DARS1: variants seen among roughly 807,000 people sequenced by gnomAD.
The protein encoded by DARS1 is aspartyl-tRNA synthetase 1.
In DARS1, 51 loss-of-function variants were observed where a neutral mutation model predicts 68.8. That is an observed-to-expected ratio of 0.74 (90% CI 0.59 to 0.94). The LOEUF (loss-of-function observed/expected upper bound fraction) is 0.94, where lower values mean the gene tolerates loss of function less well. Among genes scored for constraint, DARS1 ranks in the 40% least tolerant of loss-of-function variants. The pLI is 0.00. For synonymous variants in DARS1, 203 were observed against 190.4 expected, an observed-to-expected ratio of 1.07 and a Z score of -0.55; for missense variants, 607 against 597.3, an observed-to-expected ratio of 1.02 and a Z score of -0.17.
At chr2:135,952,835 G>C (rs1224738419) in intron 4 of DARS1, among the ~76,000 whole-genome samples, 1 of 152,168 alleles carries the variant, frequency 6.6e-6, no homozygotes, top group Admixed American at 6.5e-5. Context: ...ATAAATATTG[G>C]AGTGCAAATA....
chr2:135,932,221 G>A (rs1421980020), intron 7 of DARS1, among the ~76,000 whole-genome samples: 1 of 152,102 alleles, frequency 6.6e-6, no homozygotes, highest in Non-Finnish European at 1.5e-5. Context: ...AAAATATTAA[G>A]AAAGATGCAA....
intron 3 of DARS1, among the ~76,000 whole-genome samples, chr2:135,967,671 G>A (rs962304889): frequency 2.6e-5 from 4 of 151,720 alleles, no homozygotes; most frequent in African/African-American, 7.3e-5. Flanking sequence ...TTTTTTATAC[G>A]AAGAGACTCT....
chr2:135,928,433 C>T (rs1681269638), intron 7 of DARS1, among the ~76,000 whole-genome samples: 2 of 151,898 alleles, frequency 1.3e-5, no homozygotes, highest in East Asian at 1.9e-4. Context: ...GACTCTGTTG[C>T]CCAGGCTGGA....
At chr2:135,962,325 T>A (rs1419136654) in intron 3 of DARS1, among the ~76,000 whole-genome samples, 1 of 152,220 alleles carries the variant, frequency 6.6e-6, no homozygotes, top group Non-Finnish European at 1.5e-5. Flanking sequence ...AGCAGATCCT[T>A]CTTAAGTCTC....
At chr2:135,934,612 C>A (rs1266151031) in intron 5 of DARS1, among the ~76,000 whole-genome samples, 1 of 150,992 alleles carries the variant, frequency 6.6e-6, no homozygotes, top group Non-Finnish European at 1.5e-5. Flanking sequence ...ACAGTGAGAC[C>A]CTGTCTCAAA....
chr2:135,971,823 A>T (rs78898735), intron 3 of DARS1, among the ~76,000 whole-genome samples: 5 of 151,904 alleles, frequency 3.3e-5, no homozygotes, highest in Non-Finnish European at 5.9e-5. Context: ...AAAAAGAAAT[A>T]AAAAAAAGTA....
At chr2:135,960,268 C>T (rs996449289) in intron 4 of DARS1, among the ~76,000 whole-genome samples, 1 of 152,044 alleles carries the variant, frequency 6.6e-6, no homozygotes, top group Non-Finnish European at 1.5e-5. Context: ...ATCAATGAAT[C>T]GATACAATTC....
At chr2:135,926,981 T>C (rs551126035) in intron 7 of DARS1, among the ~76,000 whole-genome samples, 1 of 152,372 alleles carries the variant, frequency 6.6e-6, no homozygotes, top group Non-Finnish European at 1.5e-5. Context: ...TATCATTACA[T>C]GAGAGAACAA....
intron 4 of DARS1, among the ~76,000 whole-genome samples, chr2:135,947,409 G>GAA (rs201907095): frequency 5.9e-5 from 4 of 67,672 alleles, no homozygotes; most frequent in African/African-American, 1.7e-4. Context: ...CTCCATCTCA[G>GAA]AAAAAAAAAA....
At chr2:135,984,425 G>A (rs556118401) in intron 1 of DARS1, among the ~76,000 whole-genome samples, 1 of 152,312 alleles carries the variant, frequency 6.6e-6, no homozygotes, top group Admixed American at 6.5e-5. Flanking sequence ...AGAGCAGGAG[G>A]GTGCTGGATT....
intron 6 of DARS1, 138 bp downstream of exon 6, chr2:135,933,772 T>C: frequency 1.6e-6 from 2 of 1,276,976 alleles, no homozygotes; most frequent in Non-Finnish European, 2.0e-6. Flanking sequence ...GGTTTGAGAA[T>C]TGCTGATTTT....
At chr2:135,935,790 A>C (rs772691793) in intron 5 of DARS1, among the ~76,000 whole-genome samples, 7 of 152,222 alleles carry the variant, frequency 4.6e-5, no homozygotes, top group Non-Finnish European at 8.8e-5. Flanking sequence ...AACCTGCTAA[A>C]GCACAAACGG....
chr2:135,961,440 C>T lies in DARS1; in HGVS notation c.276G>A (p.Ala92=), dbSNP rs746768443. The T allele has an allele frequency of 1.5e-5, 23 of 1,555,884 alleles. No individual in the cohort carries two copies. Among genetic ancestry groups the T allele is most frequent in the East Asian group, 1.3e-4 (6 of 44,626 alleles). Residue 92 remains alanine, a synonymous_variant, in exon 4 of 16, where the codon GCG becomes GCA. Transcript: ENST00000264161. ...QQQFNVQALV[A]VGDHASKQMV... is the part of the protein sequence containing the mutation. ...TCTGCTTGCTTGCATGGTCTCCCACCGCCACAAGAGCCTGGACATTAAACT... is the reference window on the plus strand; with the variant it reads ...TCTGCTTGCTTGCATGGTCTCCCACTGCCACAAGAGCCTGGACATTAAACT...
At chr2:135,938,135 T>C (rs113974791) in intron 5 of DARS1, among the ~76,000 whole-genome samples, 2 of 152,142 alleles carry the variant, frequency 1.3e-5, no homozygotes, top group East Asian at 1.9e-4. Flanking sequence ...CAATCAGACG[T>C]AGATTTGGTC....
At chr2:135,939,173 C>G (rs1681539820) in intron 5 of DARS1, among the ~76,000 whole-genome samples, 3 of 152,196 alleles carry the variant, frequency 2.0e-5, no homozygotes, top group Admixed American at 6.5e-5. Flanking sequence ...TAGACATCTG[C>G]AGAACTCTCC....
At chr2:135,963,306 A>C (rs1308584182) in intron 3 of DARS1, among the ~76,000 whole-genome samples, 1 of 152,184 alleles carries the variant, frequency 6.6e-6, no homozygotes, top group Non-Finnish European at 1.5e-5. Context: ...GTTTTCTTTC[A>C]TAATCATAAG....
chr2:135,953,968 G>C (rs1317307165), intron 4 of DARS1, among the ~76,000 whole-genome samples: 1 of 150,574 alleles, frequency 6.6e-6, no homozygotes, highest in Non-Finnish European at 1.5e-5. Context: ...TGTTGACCAG[G>C]TTGGTCTTGA....
chr2:135,967,314 T>G (rs1368019528), intron 3 of DARS1, among the ~76,000 whole-genome samples: 1 of 152,210 alleles, frequency 6.6e-6, no homozygotes, highest in Non-Finnish European at 1.5e-5. Context: ...CTGCATAGAT[T>G]TAAGTTGAAG....
intron 5 of DARS1, chr2:135,943,072 G>C (rs1264137176): frequency 1.7e-5 from 4 of 230,216 alleles, no homozygotes; most frequent in Non-Finnish European, 3.4e-5. Context: ...GGGCTAGCCT[G>C]CTGGATGAGA....
Sources: gnomAD v4.1 joint callset for allele counts (sites outside exome capture counted in the v4.1 genomes callset) on GRCh38, gnomAD v4.1.1 for gene constraint, MANE v1.5 for transcripts, NCBI Gene and HGNC (gene_info 2026-07-23, HGNC 2026-07-21) for gene names.